Variants in PHIP observed in about 807,000 individuals in gnomAD.
The protein encoded by PHIP is PHIP subunit of CUL4-Ring ligase complex, also known as PH-interacting protein.
PHIP carries 54 observed loss-of-function variants against 236.8 expected under a neutral mutation model. The ratio of observed to expected loss-of-function variants is 0.23; its 90% CI spans 0.18 to 0.29. The LOEUF (loss-of-function observed/expected upper bound fraction) is 0.29. Among genes scored for constraint, PHIP ranks in the 10% least tolerant of loss-of-function variants. The pLI is 1.00. For missense variants in PHIP, 1,370 were observed against 2,190.8 expected, an observed-to-expected ratio of 0.63 and a Z score of 7.48; for synonymous variants, 756 against 718.9, an observed-to-expected ratio of 1.05 and a Z score of -0.83.
intron 6 of PHIP, among the ~76,000 whole-genome samples, chr6:79,058,934 C>A (rs1430807243): frequency 6.6e-6 from 1 of 152,018 alleles, no homozygotes; most frequent in Non-Finnish European, 1.5e-5. Context: ...TTGCAGGAAT[C>A]CTATTATACC....
rs1274334640 is a variant in PHIP, at chr6:78,935,993, C to T, written c.*4700G>A. ...GGATTCAAAGAATTATGCATCAAAACTAACATAGAAAGTGTCCACGTAACA... is the reference window on the plus strand; with the variant it reads ...GGATTCAAAGAATTATGCATCAAAATTAACATAGAAAGTGTCCACGTAACA... On this transcript the variant is annotated 3_prime_UTR_variant, in exon 40 of 40. Transcript: ENST00000275034. 1 of 152,572 alleles carries T rather than the reference C, an allele frequency of 6.6e-6. No homozygotes were observed. Among genetic ancestry groups the T allele is most frequent in the Non-Finnish European group, 1.5e-5 (1 of 68,488 alleles). The allele number at this position is 152,572 out of a possible 1,614,324, so 9.5% of individuals were successfully genotyped here.
intron 39 of PHIP, among the ~76,000 whole-genome samples, 190 bp from the exon 40 acceptor site, chr6:78,941,520 GAC>G (rs10574664): frequency 0.015 from 2,312 of 152,220 alleles, 19 homozygotes; most frequent in Non-Finnish European, 0.024. Flanking sequence ...AATTAAAAGA[GAC>G]AGATTCTTAA....
intron 4 of PHIP, 117 bp downstream of exon 4, chr6:79,077,331 C>A: frequency 1.0e-6 from 1 of 972,792 alleles, no homozygotes. Context: ...CTCCCCATGG[C>A]CTTTGGAGCT....
intron 19 of PHIP, among the ~76,000 whole-genome samples, chr6:78,994,961 C>A (rs556389977): frequency 2.0e-5 from 3 of 152,194 alleles, no homozygotes; most frequent in Non-Finnish European, 4.4e-5. Flanking sequence ...AACTTTTATA[C>A]GCACTTGGAA....
intron 7 of PHIP, among the ~76,000 whole-genome samples, chr6:79,038,926 T>A (rs911067418): frequency 6.6e-6 from 1 of 152,154 alleles, no homozygotes; most frequent in Non-Finnish European, 1.5e-5. Context: ...AAATATGTCA[T>A]CCTATACTCT....
intron 29 of PHIP, among the ~76,000 whole-genome samples, chr6:78,964,238 T>C (rs1288511365): frequency 6.6e-6 from 1 of 152,166 alleles, no homozygotes; most frequent in African/African-American, 2.4e-5. Context: ...AAAAATATAT[T>C]ATTGGCATTA....
At chr6:78,988,101 A>G (rs187131013) in intron 21 of PHIP, 108 bp downstream of exon 21, 6 of 716,466 alleles carry the variant, frequency 8.4e-6, no homozygotes, top group Non-Finnish European at 1.2e-5. Flanking sequence ...CCAAAATGCC[A>G]TATTTAAGCT....
At position 78,941,032 on chromosome 6, in the gene PHIP, C is replaced by A; in HGVS notation, c.5127G>T (p.Lys1709Asn). 1.2e-6 allele frequency: 2 copies of A among 1,613,946 alleles called. No individual in the cohort carries two copies. Among genetic ancestry groups the A allele is most frequent in the Non-Finnish European group, 1.7e-6 (2 of 1,179,892 alleles). Residue 1709 changes from lysine to asparagine, a missense_variant, in exon 40 of 40, where the codon AAG becomes AAT. Around this residue, in one of 14 missense-constraint regions of PHIP, gnomAD observed 309 missense variants for 328.3 expected, o/e 0.94. Transcript: ENST00000275034. The stretch of plus-strand genomic sequence containing the variant: ...TTTTGGGCTTCCTACCTCCACGATT[C>A]TTTTTCTGTAACAAATCTTCCTTTA... ...NNVKEDLLQK[K>N]NRGGRKPKRK...
intron 27 of PHIP, among the ~76,000 whole-genome samples, chr6:78,966,489 C>T (rs765778540): frequency 6.6e-6 from 1 of 152,262 alleles, no homozygotes; most frequent in African/African-American, 2.4e-5. Context: ...CAAGACTCCA[C>T]GCTAAAAACA....
intron 6 of PHIP, among the ~76,000 whole-genome samples, chr6:79,049,655 G>T (rs1244385499): frequency 1.3e-5 from 2 of 152,058 alleles, no homozygotes; most frequent in African/African-American, 4.8e-5. Flanking sequence ...TAACTTAAGA[G>T]TACATGAAAA....
At chr6:78,985,458 C>T in intron 21 of PHIP, 30 bp from the exon 22 acceptor site, 1 of 1,057,736 alleles carries the variant, frequency 9.5e-7, no homozygotes, top group Non-Finnish European at 1.5e-6. Context: ...TGTCTTATTG[C>T]ATAATTTTAT....
At position 78,937,420 on chromosome 6, in the gene PHIP, C is replaced by T. The variant is rs930225074; in HGVS notation, c.*3273G>A. The T allele has an allele frequency of 2.6e-5, 4 of 151,664 alleles. No individual in the cohort carries two copies. The highest frequency in any genetic ancestry group is 9.7e-5 in the African/African-American group (4 of 41,412). 9.4% of individuals were successfully genotyped at this position (151,664 alleles called of 1,614,324 possible). A position where few individuals can be genotyped will look rare whatever the true frequency, so the allele number is the denominator to read the frequency against. On this transcript the variant is annotated 3_prime_UTR_variant, in exon 40 of 40. Transcript: ENST00000275034. ...TTTCTTAAAATGTCTGATTCCTCTA[C>T]TGCACTGCAGATGAGGGACAGTTCT...
intron 22 of PHIP, 112 bp from the exon 23 acceptor site, chr6:78,983,229 A>G (rs1768654817): frequency 4.0e-6 from 2 of 500,914 alleles, no homozygotes; most frequent in Admixed American, 3.7e-5. Flanking sequence ...ACAAATACTT[A>G]AACTACAAAA....
intron 24 of PHIP, among the ~76,000 whole-genome samples, chr6:78,975,017 AT>A (rs1767941834): frequency 6.6e-6 from 1 of 151,488 alleles, no homozygotes; most frequent in East Asian, 1.9e-4. Flanking sequence ...CCCCTAACTC[AT>A]TTTATGAGGC....
chr6:78,951,000 G>A (rs1774108659), intron 35 of PHIP, among the ~76,000 whole-genome samples: 1 of 152,004 alleles, frequency 6.6e-6, no homozygotes, highest in African/African-American at 2.4e-5. Flanking sequence ...AAATTTCCCT[G>A]CATTGCTTTA....
At chr6:78,989,074 A>C (rs1171925622) in intron 20 of PHIP, among the ~76,000 whole-genome samples, 2 of 141,056 alleles carry the variant, frequency 1.4e-5, no homozygotes, top group African/African-American at 5.1e-5. Context: ...ATAAACATTA[A>C]AATTTATACC....
intron 3 of PHIP, 73 bp from the exon 4 acceptor site, chr6:79,077,580 G>A (rs1282630523): frequency 2.9e-6 from 2 of 680,554 alleles, no homozygotes; most frequent in Admixed American, 9.7e-5. Context: ...CGCCCGCCCC[G>A]CGCCCCGGCG....
rs1182001810 is a variant in PHIP at position 78,938,645 on chromosome 6, G to A, written c.*2048C>T. 6.6e-6 allele frequency: 1 copy of A among 151,574 alleles called. No individual in the cohort carries two copies. The highest frequency in any genetic ancestry group is 1.5e-5 in the Non-Finnish European group (1 of 67,608). 9.4% of individuals were successfully genotyped at this position (151,574 alleles called of 1,614,324 possible). Reference sequence around the variant, plus strand: ...ATCAAGCCATCCATTTCTGCATTATGAAGAGTTTAACTACTGAATTTTAAT... The same window carrying A: ...ATCAAGCCATCCATTTCTGCATTATAAAGAGTTTAACTACTGAATTTTAAT... On this transcript the variant is annotated 3_prime_UTR_variant, in exon 40 of 40. Coordinates refer to ENST00000275034, the MANE Select transcript of PHIP (RefSeq NM_017934.7).
chr6:78,970,941 T>A, intron 24 of PHIP, 53 bp from the exon 25 acceptor site: 1 of 1,180,690 alleles, frequency 8.5e-7, no homozygotes, highest in Non-Finnish European at 1.2e-6. Context: ...TTTAATCCAA[T>A]ATACAGGGTA....
Sources: gnomAD v4.1 joint callset for allele counts (sites outside exome capture counted in the v4.1 genomes callset) on GRCh38, gnomAD v4.1.1 for gene constraint, gnomAD v4.1.1 regional missense constraint, MANE v1.5 for transcripts, NCBI Gene and HGNC (gene_info 2026-07-23, HGNC 2026-07-21) for gene names.